CTNNA3: variants seen among roughly 807,000 people sequenced by gnomAD.
CTNNA3 encodes catenin alpha 3.
In CTNNA3, 76 loss-of-function variants were observed where a neutral mutation model predicts 95.7. The observed-to-expected ratio is 0.79, with a 90% CI of 0.66 to 0.96. The LOEUF (loss-of-function observed/expected upper bound fraction) is 0.96. CTNNA3 is among the 40% of genes least tolerant of loss of function. The pLI, the probability that CTNNA3 is intolerant of heterozygous loss-of-function variation, is 0.00. For synonymous variants in CTNNA3, 431 were observed against 374.4 expected, an observed-to-expected ratio of 1.15 and a Z score of -1.74; for missense variants, 1,191 against 1,089.8, an observed-to-expected ratio of 1.09 and a Z score of -1.31.
chr10:67,625,157 G>A (rs543265394), intron 2 of CTNNA3, among the ~76,000 whole-genome samples: 9 of 152,150 alleles, frequency 5.9e-5, no homozygotes, highest in Non-Finnish European at 1.2e-4. Flanking sequence ...TGTTCCAAAT[G>A]TGCCAAGCTC....
intron 16 of CTNNA3, among the ~76,000 whole-genome samples, chr10:65,980,288 C>A (rs1213623514): frequency 6.6e-6 from 1 of 151,826 alleles, no homozygotes; most frequent in Non-Finnish European, 1.5e-5. Flanking sequence ...GACATAGAAA[C>A]TCTGAACAGG....
intron 7 of CTNNA3, among the ~76,000 whole-genome samples, chr10:67,088,445 T>C (rs1857430499): frequency 1.3e-5 from 2 of 151,864 alleles, no homozygotes; most frequent in Non-Finnish European, 2.9e-5. Flanking sequence ...TATTCAAAAG[T>C]GGCCACATCA....
intron 11 of CTNNA3, among the ~76,000 whole-genome samples, chr10:66,384,388 A>G (rs1269083227): frequency 2.6e-5 from 4 of 152,134 alleles, no homozygotes; most frequent in Non-Finnish European, 4.4e-5. Flanking sequence ...ATTCAACAAG[A>G]AGAGCTAACT....
At chr10:66,043,801 TA>T (rs372746754) in intron 15 of CTNNA3, among the ~76,000 whole-genome samples, 134 of 152,284 alleles carry the variant, frequency 8.8e-4, no homozygotes, top group African/African-American at 3.2e-3. Flanking sequence ...TACTCACTGT[TA>T]AACACCAGTC....
intron 9 of CTNNA3, among the ~76,000 whole-genome samples, chr10:66,707,124 C>T (rs1848143556): frequency 6.6e-6 from 1 of 151,758 alleles, no homozygotes; most frequent in South Asian, 2.1e-4. Context: ...AATAAGCCAC[C>T]CTTTAAAAAT....
intron 13 of CTNNA3, among the ~76,000 whole-genome samples, chr10:66,160,374 T>A (rs768365025): frequency 8.5e-4 from 130 of 152,064 alleles, no homozygotes; most frequent in Non-Finnish European, 1.5e-3. Context: ...TTTTGTTAGG[T>A]TGTGTCATTA....
rs1554944675 is a variant in CTNNA3 at position 66,360,829 on chromosome 10, C to CCTTCCT, written c.1732+18322_1732+18323insAGGAAG. Among the ~76,000 whole-genome samples, 20 of 71,808 alleles carry CCTTCCT rather than the reference C, an allele frequency of 2.8e-4. 1 individual carries two copies. The highest frequency in any genetic ancestry group is 1.4e-3 in the African/African-American group (19 of 14,072). The allele number at this position is 71,808 out of a possible 152,430, so 47.1% of individuals were successfully genotyped here. On this transcript the variant is annotated intron_variant, in intron 12 of 17. Transcript: ENST00000433211. The stretch of plus-strand genomic sequence containing the variant: ...CCTTCCTTCCTTCCTTTCTTTCTTT[C>CCTTCCT]TTTCTTTCTTTCTTTCTTTCTTTCT...
At chr10:67,407,047 A>G (rs1259682700) in intron 5 of CTNNA3, among the ~76,000 whole-genome samples, 3 of 151,936 alleles carry the variant, frequency 2.0e-5, no homozygotes, top group Non-Finnish European at 4.4e-5. Context: ...AAAAGCAGGG[A>G]CTCCCCCATA....
intron 13 of CTNNA3, among the ~76,000 whole-genome samples, chr10:66,196,106 G>A (rs906465979): frequency 6.6e-6 from 1 of 151,864 alleles, no homozygotes; most frequent in African/African-American, 2.4e-5. Context: ...AAAAGAATGG[G>A]GTTTATAATA....
intron 5 of CTNNA3, among the ~76,000 whole-genome samples, chr10:67,294,407 A>T (rs1839956331): frequency 6.6e-6 from 1 of 152,204 alleles, no homozygotes; most frequent in African/African-American, 2.4e-5. Context: ...CACCAAGTTA[A>T]CCTTCTCAAT....
chr10:67,051,463 CTTT>C (rs11334360), intron 7 of CTNNA3, among the ~76,000 whole-genome samples: 30 of 129,708 alleles, frequency 2.3e-4, no homozygotes, highest in Admixed American at 5.5e-4. Flanking sequence ...TTTCTTTTTT[CTTT>C]TTTTTTTTTT....
chr10:67,219,917 A>G (rs1647108228), intron 5 of CTNNA3, 47 bp from the exon 6 acceptor site: 19 of 1,431,696 alleles, frequency 1.3e-5, no homozygotes, highest in Non-Finnish European at 1.8e-5. Flanking sequence ...GGGTTATGGG[A>G]GAAAGACTTA....
chr10:66,048,568 G>T (rs954434824), intron 15 of CTNNA3, among the ~76,000 whole-genome samples: 4 of 152,200 alleles, frequency 2.6e-5, no homozygotes, highest in Middle Eastern at 3.4e-3. Flanking sequence ...AGACCATCCT[G>T]GCTAACACGG....
At chr10:66,444,745 G>C (rs1205865123) in intron 11 of CTNNA3, among the ~76,000 whole-genome samples, 2 of 152,084 alleles carry the variant, frequency 1.3e-5, no homozygotes, top group East Asian at 1.9e-4. Flanking sequence ...GACCATCAAG[G>C]CTAGGAAGAA....
intron 9 of CTNNA3, among the ~76,000 whole-genome samples, chr10:66,656,775 T>C (rs1365771974): frequency 3.3e-5 from 5 of 152,194 alleles, no homozygotes; most frequent in Admixed American, 6.5e-5. Context: ...AGGGCTATAA[T>C]AAATTCAGAT....
chr10:67,736,451 A>ATT (rs71468819), intron 1 of CTNNA3, among the ~76,000 whole-genome samples: 129 of 118,022 alleles, frequency 1.1e-3, no homozygotes, highest in Middle Eastern at 5.0e-3. Flanking sequence ...TTTTACCACA[A>ATT]TTTTTTTTTT....
At chr10:67,621,748 C>CAAAAA (rs3059973) in intron 2 of CTNNA3, among the ~76,000 whole-genome samples, 3 of 113,530 alleles carry the variant, frequency 2.6e-5, no homozygotes, top group Non-Finnish European at 1.7e-5. Flanking sequence ...GACATCATCT[C>CAAAAA]AAAAAAAAAA....
chr10:66,417,135 C>G (rs4746580), intron 11 of CTNNA3, among the ~76,000 whole-genome samples: 40,691 of 151,802 alleles, frequency 0.27, 5,591 homozygotes, highest in South Asian at 0.39. Context: ...TACATGCCAC[C>G]TACAAGAAAC....
intron 1 of CTNNA3, among the ~76,000 whole-genome samples, chr10:67,711,564 A>G (rs1841108797): frequency 7.4e-6 from 1 of 134,364 alleles, no homozygotes; most frequent in African/African-American, 3.1e-5. Flanking sequence ...TATCTGGCAG[A>G]AGAAATTTAT....
Sources: gnomAD v4.1 joint callset for allele counts (sites outside exome capture counted in the v4.1 genomes callset) on GRCh38, gnomAD v4.1.1 for gene constraint, MANE v1.5 for transcripts, NCBI Gene and HGNC (gene_info 2026-07-23, HGNC 2026-07-21) for gene names.